Variants in SMYD1 observed in about 807,000 individuals in gnomAD.
SMYD1 encodes the protein SET and MYND domain containing 1, also known as histone-lysine N-methyltransferase SMYD1.
Under a neutral mutation model 54.0 loss-of-function variants are expected in SMYD1, and 49 were observed. The ratio of observed to expected loss-of-function variants is 0.91; its 90% CI spans 0.72 to 1.15. The LOEUF (loss-of-function observed/expected upper bound fraction) is 1.15. Among genes scored for constraint, SMYD1 ranks in the 50% most tolerant of loss-of-function variants. SMYD1 has a pLI of 0.00. For synonymous variants in SMYD1, 269 were observed against 234.2 expected (o/e 1.15, Z -1.36); for missense variants, 653 against 639.6 (o/e 1.02, Z -0.23).
chr2:88,084,519 T>C (rs1199698987), intron 2 of SMYD1, 27 bp downstream of exon 2: 14 of 1,547,426 alleles, frequency 9.0e-6, no homozygotes, highest in East Asian at 4.6e-5. Context: ...CTGGTGGTGC[T>C]TCAGATTTCC....
chr2:88,091,066 G>A lies in SMYD1; in HGVS notation c.583G>A (p.Val195Ile), dbSNP rs760692809. Residue 195 changes from valine (V) to isoleucine (I), a missense_variant, in exon 4 of 10, where the codon GTA (valine) becomes ATA (isoleucine). Val to Ile is a conservative substitution (Grantham distance 29, BLOSUM62 3). Coordinates refer to ENST00000419482, the MANE Select transcript of SMYD1 (RefSeq NM_198274.4). ...TCAGAGAGGCCTGCAGGCCGTGGGC[G>A]TAGGCATCTTCCCCAACCTGGGCCT... ...SDQRGLQAVG[V>I]GIFPNLGLVN... 32 of 1,613,864 alleles carry A rather than the reference G, an allele frequency of 2.0e-5. No individual in the cohort carries two copies. The highest frequency in any genetic ancestry group is 2.3e-5 in the Non-Finnish European group (27 of 1,179,858).
chr2:88,075,534 C>CTTTTTTTTTTTTTTTTTTTTTTTT (rs35091980), intron 1 of SMYD1, among the ~76,000 whole-genome samples: 1 of 103,580 alleles, frequency 9.7e-6, no homozygotes, highest in Non-Finnish European at 1.9e-5. Flanking sequence ...CCTTTTAATT[C>CTTTTTTTTTTTTTTTTTTTTTTTT]TTTTTTTTTT....
At position 88,112,208 on chromosome 2, in the gene SMYD1, T is replaced by C; in HGVS notation, c.*1696T>C. ...CTGGCTAGTTCAAATTATCACTCTT[T>C]TACCTTCATATAAAATGTCTCCCCC... On this transcript the variant is annotated 3_prime_UTR_variant, in exon 10 of 10. Transcript: ENST00000419482. 1.4e-6 allele frequency: 1 copy of C among 697,590 alleles called. No homozygotes were observed. The highest frequency in any genetic ancestry group is 2.6e-6 in the Non-Finnish European group (1 of 380,672). The allele number at this position is 697,590 out of a possible 1,614,324, so 43.2% of individuals were successfully genotyped here. A position where few individuals can be genotyped will look rare whatever the true frequency, so the allele number is the denominator to read the frequency against.
intron 6 of SMYD1, among the ~76,000 whole-genome samples, chr2:88,099,086 T>C (rs1017161092): frequency 6.6e-6 from 1 of 152,134 alleles, no homozygotes; most frequent in Non-Finnish European, 1.5e-5. Context: ...TAAATTTTAT[T>C]TTATTTTTAT....
At chr2:88,072,396 C>T (rs752438659) in intron 1 of SMYD1, among the ~76,000 whole-genome samples, 11 of 152,204 alleles carry the variant, frequency 7.2e-5, no homozygotes, top group Non-Finnish European at 1.0e-4. Context: ...AGTGATCTGC[C>T]GGCCTTGGCC....
rs1674368716 is a variant in SMYD1 at position 88,087,844 on chromosome 2, A to T, written c.315-18A>T. On this transcript the variant is annotated intron_variant, in intron 2 of 9. Transcript: ENST00000419482. ...TGAATGCAGCTGTAGTGGCCTCCTG[A>T]CGCTGCCCTTCCCACAGGCTGGCGG... is the stretch of plus-strand genomic sequence containing the variant. 1 of 1,544,476 alleles carries T rather than the reference A, an allele frequency of 6.5e-7. No homozygotes were observed. The highest frequency in any genetic ancestry group is 1.4e-5 in the African/African-American group (1 of 73,528).
At chr2:88,072,975 G>A (rs1284653865) in intron 1 of SMYD1, among the ~76,000 whole-genome samples, 1 of 152,154 alleles carries the variant, frequency 6.6e-6, no homozygotes, top group African/African-American at 2.4e-5. Flanking sequence ...ATTGTGTGAT[G>A]CTGAGGTTTG....
chr2:88,101,200 C>T (rs1055472029), intron 6 of SMYD1, among the ~76,000 whole-genome samples: 2 of 152,184 alleles, frequency 1.3e-5, no homozygotes, highest in African/African-American at 4.8e-5. Context: ...AAAGCCCATT[C>T]TCTTGTTACT....
At chr2:88,079,317 G>A (rs1322596204) in intron 1 of SMYD1, among the ~76,000 whole-genome samples, 5 of 152,216 alleles carry the variant, frequency 3.3e-5, no homozygotes, top group Non-Finnish European at 7.3e-5. Flanking sequence ...TATGGCTACA[G>A]TTAATAGCAG....
At chr2:88,071,930 G>A (rs1193414939) in intron 1 of SMYD1, among the ~76,000 whole-genome samples, 2 of 151,672 alleles carry the variant, frequency 1.3e-5, no homozygotes, top group Non-Finnish European at 2.9e-5. Context: ...GGTCAAACTG[G>A]GAATTCGCAA....
At chr2:88,074,193 A>G (rs941141137) in intron 1 of SMYD1, among the ~76,000 whole-genome samples, 1 of 152,202 alleles carries the variant, frequency 6.6e-6, no homozygotes, top group African/African-American at 2.4e-5. Context: ...TGCTGTCACA[A>G]ACTACTGTAA....
chr2:88,081,095 G>T (rs1228889642), intron 1 of SMYD1, among the ~76,000 whole-genome samples: 1 of 152,074 alleles, frequency 6.6e-6, no homozygotes, highest in African/African-American at 2.4e-5. Context: ...TAGGGACGGG[G>T]TTTTGCCATG....
chr2:88,104,119 A>T (rs905032303), intron 7 of SMYD1, among the ~76,000 whole-genome samples: 3 of 152,106 alleles, frequency 2.0e-5, no homozygotes, highest in South Asian at 4.2e-4. Flanking sequence ...GGTGCCCGCC[A>T]CCACGCCTGG....
At chr2:88,081,887 G>A (rs993221968) in intron 1 of SMYD1, among the ~76,000 whole-genome samples, 1 of 152,184 alleles carries the variant, frequency 6.6e-6, no homozygotes, top group African/African-American at 2.4e-5. Flanking sequence ...GCTCTTACCT[G>A]TGTTTGGCCA....
intron 1 of SMYD1, among the ~76,000 whole-genome samples, chr2:88,081,843 C>T (rs1423053452): frequency 6.6e-6 from 1 of 152,168 alleles, no homozygotes; most frequent in African/African-American, 2.4e-5. Flanking sequence ...ACACTCTGTT[C>T]TGGGCACCAT....
intron 3 of SMYD1, among the ~76,000 whole-genome samples, chr2:88,090,524 T>C (rs1269935382): frequency 6.6e-6 from 1 of 152,176 alleles, no homozygotes; most frequent in African/African-American, 2.4e-5. Flanking sequence ...GCAGGGAATA[T>C]AAAACTATGC....
chr2:88,108,686 C>A, intron 9 of SMYD1, 147 bp downstream of exon 9: 2 of 715,680 alleles, frequency 2.8e-6, no homozygotes, highest in Non-Finnish European at 4.3e-6. Context: ...GCCCACTACC[C>A]TTGTGTGTTA....
At chr2:88,105,398 CAT>C (rs1674838952) in intron 7 of SMYD1, among the ~76,000 whole-genome samples, 1 of 151,922 alleles carries the variant, frequency 6.6e-6, no homozygotes, top group African/African-American at 2.4e-5. Flanking sequence ...CACACACACA[CAT>C]ATCGATATCT....
intron 1 of SMYD1, among the ~76,000 whole-genome samples, chr2:88,071,178 C>T (rs1673939535): frequency 6.6e-6 from 1 of 152,062 alleles, no homozygotes; most frequent in Non-Finnish European, 1.5e-5. Flanking sequence ...ATTTATTTTT[C>T]CATTCTCCTG....
Sources: gnomAD v4.1 joint callset for allele counts (sites outside exome capture counted in the v4.1 genomes callset) on GRCh38, gnomAD v4.1.1 for gene constraint, MANE v1.5 for transcripts, NCBI Gene and HGNC (gene_info 2026-07-23, HGNC 2026-07-21) for gene names.